The following TDRD6 variants were observed in gnomAD, a reference collection of about 807,000 sequenced individuals.
TDRD6 encodes the protein tudor domain containing 6.
A neutral mutation model predicts 157.5 loss-of-function variants in TDRD6; 186 were observed. That is an observed-to-expected ratio of 1.18 (90% confidence interval 1.05 to 1.33). The LOEUF is 1.33. Ranked by LOEUF, TDRD6 falls within the 40% of genes most tolerant of loss-of-function variation. The probability of loss-of-function intolerance (pLI) is 0.00; values close to 1 mark genes in which losing one functional copy is unlikely to be tolerated. For synonymous variants in TDRD6, 1,075 were observed against 945.2 expected (o/e 1.14, Z -2.52); for missense variants, 3,066 against 2,508.0 (o/e 1.22, Z -4.75).
rs753018392 is a variant in TDRD6 at position 46,690,935 on chromosome 6, A to G, written c.2807A>G (p.Asn936Ser). 3.7e-6 allele frequency: 6 copies of G among 1,614,032 alleles called. No homozygotes were observed. In the African/African-American group the frequency reaches 8.0e-5, roughly 22 times the overall value. ...ALASINEELF[N>S]IVDLLTPFQS... ...GCTTCAATTAATGAAGAACTGTTTA[A>G]CATTGTGGATTTGCTAACCCCCTTT... Residue 936 changes from asparagine to serine, a missense_variant, in exon 1 of 4, where the codon AAC becomes AGC. Physicochemically the swap from Asn to Ser is conservative, Grantham distance 46. Transcript: ENST00000316081.
chr6:46,689,815 A>G lies in TDRD6; in HGVS notation c.1687A>G (p.Lys563Glu), dbSNP rs1764251424. ...GGCCATAGTCACCAAATTGGATGAC[A>G]AGAGTGTGGATGTATTCTTAGTTGA... Reference protein sequence around the residue: ...YRAIVTKLDDKSVDVFLVDRG... With the variant: ...YRAIVTKLDDESVDVFLVDRG... Residue 563 changes from lysine (K) to glutamate (E), a missense_variant, in exon 1 of 4, where the codon AAG (lysine) becomes GAG (glutamate). Physicochemically the swap from Lys to Glu is moderately conservative, Grantham distance 56 (BLOSUM62 1). Transcript: ENST00000316081. 6.2e-7 allele frequency: 1 copy of G among 1,614,226 alleles called. No homozygotes were observed. Among genetic ancestry groups the G allele is most frequent in the South Asian group, 1.1e-5 (1 of 91,086 alleles).
Position 46,693,814 on chromosome 6 carries a change from C to T in TDRD6, c.5686C>T (p.Pro1896Ser), listed in dbSNP as rs1764418115. 1.2e-6 allele frequency: 2 copies of T among 1,614,196 alleles called. No homozygotes were observed. Among genetic ancestry groups the T allele is most frequent in the Non-Finnish European group, 1.7e-6 (2 of 1,180,036 alleles). ...CATGGAGCTATTTACACTGCAGCTT[C>T]CTCTCAGCTGTGAAGCTGAGAAACA... ...GAMELFTLQL[P>S]LSCEAEKQPE... Residue 1896 changes from proline (P) to serine (S), a missense_variant, in exon 1 of 4, where the codon CCT (proline) becomes TCT (serine). By Grantham distance (74) the Pro-to-Ser change is moderately conservative (BLOSUM62 -1). Transcript: ENST00000316081.
Position 46,688,996 on chromosome 6 carries a change from TC to T in TDRD6, c.870del (p.Thr291ArgfsTer63). The T allele has an allele frequency of 6.2e-7, 1 of 1,613,554 alleles. No homozygotes were observed. The highest frequency in any genetic ancestry group is 8.5e-7 in the Non-Finnish European group (1 of 1,179,684). On this transcript the variant is annotated frameshift_variant, in exon 1 of 4. Transcript: ENST00000316081. LOFTEE classifies it high-confidence loss of function. ...SESMAQVYRG[S>X]TGTGDENSTS... ...GAGCATGGCCCAGGTATACCGGGGTTCCACGGGGACAGGGGATGAGAACTCT... is the reference window on the plus strand; with the variant it reads ...GAGCATGGCCCAGGTATACCGGGGTTCACGGGGACAGGGGATGAGAACTCT...
In TDRD6 at chr6:46,688,600, C is replaced by G. The variant is rs760607205; in HGVS notation, c.472C>G (p.Leu158Val). 2.5e-6 allele frequency: 4 copies of G among 1,598,910 alleles called. No individual in the cohort carries two copies. In the Admixed American group the frequency reaches 5.0e-5, roughly 20 times the overall value. The change falls in exon 1 of 4, where the codon CTT becomes GTT. Residue 158 changes from leucine (L) to valine (V), a missense_variant. By Grantham distance (32) the Leu-to-Val change is conservative. Transcript: ENST00000316081. Reference sequence around the variant, plus strand: ...CTGGCCCGCCGACGCCGTGGACTTCCTTAGCAACCTTCAGGGCAAGGAGGT... The same window carrying G: ...CTGGCCCGCCGACGCCGTGGACTTCGTTAGCAACCTTCAGGGCAAGGAGGT... Reference protein sequence around the residue: ...QHWPADAVDFLSNLQGKEVHG... With the variant: ...QHWPADAVDFVSNLQGKEVHG...
the TDRD6 span, chr6:46,681,534 T>C: frequency 1.5e-5 from 7 of 470,842 alleles, no homozygotes; most frequent in Non-Finnish European, 3.1e-5. Context: ...CAGGCTGCTG[T>C]GATTGTCAAC....
chr6:46,704,258 A>C lies in TDRD6; in HGVS notation c.*2371A>C, dbSNP rs111472465. On this transcript the variant is annotated 3_prime_UTR_variant, in exon 4 of 4. Transcript: ENST00000316081. ...TTGTCTGTCAAAGTAATGTAAAAAC[A>C]GTTTTTAACTTCGACACTGAAAAGG... The C allele has an allele frequency of 9.8e-6, 3 of 306,526 alleles. No individual in the cohort carries two copies. The highest frequency in any genetic ancestry group is 1.9e-5 in the Non-Finnish European group (3 of 161,176). The allele number at this position is 306,526 out of a possible 1,614,324, so 19.0% of individuals were successfully genotyped here. A position where few individuals can be genotyped will look rare whatever the true frequency, so the allele number is the denominator to read the frequency against.
At position 46,689,366 on chromosome 6, in the gene TDRD6, G is replaced by C. The variant is rs1267961493; in HGVS notation, c.1238G>C (p.Cys413Ser). The C allele has an allele frequency of 6.2e-7, 1 of 1,614,054 alleles. No individual in the cohort carries two copies. ...GTGAATGCAAAGATTGAATTTTATT[G>C]CTCCTTTGAGCATGTGTATTATGTC... ...KAVNAKIEFYCSFEHVYYVSL... is the reference protein window; with the variant it reads ...KAVNAKIEFYSSFEHVYYVSL... The change falls in exon 1 of 4, where the codon TGC (cysteine) becomes TCC (serine). Residue 413 changes from cysteine to serine, a missense_variant. Coordinates refer to ENST00000316081, the MANE Select transcript of TDRD6 (RefSeq NM_001010870.3).
rs1764154536 is a variant in TDRD6, at chr6:46,688,065, G to T, written c.-64G>T. The T allele has an allele frequency of 5.7e-6, 8 of 1,410,920 alleles. No individual in the cohort carries two copies. The highest frequency in any genetic ancestry group is 1.5e-5 in the South Asian group (1 of 66,346). The allele number at this position is 1,410,920 out of a possible 1,614,324, so 87.4% of individuals were successfully genotyped here. ...GGACTCGCCTTCAGGCGGCGCGGAG[G>T]ATTTCGAGGCCCTGAGGCGCGGCCC... is the stretch of plus-strand genomic sequence containing the variant. On this transcript the variant is annotated 5_prime_UTR_variant, in exon 1 of 4. Coordinates refer to ENST00000316081, the MANE Select transcript of TDRD6 (RefSeq NM_001010870.3).
At chr6:46,694,799 A>G (rs568021074) in intron 1 of TDRD6, among the ~76,000 whole-genome samples, 1 of 152,326 alleles carries the variant, frequency 6.6e-6, no homozygotes, top group African/African-American at 2.4e-5. Context: ...GGTAAGTTTT[A>G]TAAAACATGG....
Position 46,688,628 on chromosome 6 carries a change from A to C in TDRD6, c.500A>C (p.His167Pro). ...FLSNLQGKEV[H>P]GCVLDVLLLH... Reference sequence around the variant, plus strand: ...AGCAACCTTCAGGGCAAGGAGGTGCACGGGTGCGTCCTGGACGTGCTGCTG... The same window carrying C: ...AGCAACCTTCAGGGCAAGGAGGTGCCCGGGTGCGTCCTGGACGTGCTGCTG... Residue 167 changes from histidine (H) to proline (P), a missense_variant, in exon 1 of 4, where the codon CAC becomes CCC. Physicochemically the swap from His to Pro is moderately conservative, Grantham distance 77. Transcript: ENST00000316081. The C allele has an allele frequency of 6.3e-7, 1 of 1,599,150 alleles. No individual in the cohort carries two copies. Among genetic ancestry groups the C allele is most frequent in the South Asian group, 1.1e-5 (1 of 91,080 alleles).
chr6:46,691,784 C>T lies in TDRD6; in HGVS notation c.3656C>T (p.Ser1219Leu). 6.2e-7 allele frequency: 1 copy of T among 1,601,570 alleles called. No individual in the cohort carries two copies. Among genetic ancestry groups the T allele is most frequent in the South Asian group, 1.1e-5 (1 of 88,510 alleles). ...LEESYKPQIN[S>L]SYKELKLLQS... ...GAGTCATATAAACCTCAGATCAACT[C>T]ATCATACAAGGAACTCAAACTTTTA... is the stretch of plus-strand genomic sequence containing the variant. Residue 1219 changes from serine to leucine, a missense_variant, in exon 1 of 4, where the codon TCA becomes TTA. Transcript: ENST00000316081.
intron 2 of TDRD6, 32 bp downstream of exon 2, chr6:46,695,977 T>C (rs1229955522): frequency 3.1e-6 from 5 of 1,599,818 alleles, no homozygotes; most frequent in East Asian, 2.3e-5. Flanking sequence ...TATCTCCAAA[T>C]GTATTTGCAG....
intron 1 of TDRD6, among the ~76,000 whole-genome samples, chr6:46,694,682 G>GA (rs1343023300): frequency 2.6e-5 from 4 of 152,182 alleles, no homozygotes; most frequent in African/African-American, 9.6e-5. Flanking sequence ...AAGAAACACT[G>GA]AAATATTAGT....
In TDRD6 at chr6:46,692,997, A is replaced by C. The variant is rs752414048; in HGVS notation, c.4869A>C (p.Glu1623Asp). The C allele has an allele frequency of 6.2e-7, 1 of 1,612,478 alleles. No individual in the cohort carries two copies. The highest frequency in any genetic ancestry group is 1.1e-5 in the South Asian group (1 of 90,840). Residue 1623 changes from glutamate (E) to aspartate (D), a missense_variant, in exon 1 of 4, where the codon GAA becomes GAC. Physicochemically the swap from Glu to Asp is conservative, Grantham distance 45 (BLOSUM62 2). Transcript: ENST00000316081. ...DPKALWAIPS[E>D]LLSVPMQAFP... ...AAGCACTCTGGGCCATTCCTTCTGA[A>C]CTTCTGTCGGTTCCCATGCAAGCCT...
chr6:46,688,545 CGGCGCG>C lies in TDRD6; in HGVS notation c.421_426del (p.Ala141_Gly142del). On this transcript the variant is annotated inframe_deletion, in exon 1 of 4. Coordinates refer to ENST00000316081, the MANE Select transcript of TDRD6 (RefSeq NM_001010870.3). ...TAGCGGGCCTGGTGCCGGCAGGCTG[CGGCGCG>C]GGCTCAGGCGAGCCGCCGCAGCACT... The C allele has an allele frequency of 6.3e-7, 1 of 1,576,618 alleles. No homozygotes were observed. Among genetic ancestry groups the C allele is most frequent in the Non-Finnish European group, 8.6e-7 (1 of 1,167,210 alleles).
At chr6:46,696,600 TA>T (rs1247578175) in intron 2 of TDRD6, among the ~76,000 whole-genome samples, 947 of 52,952 alleles carry the variant, frequency 0.018, 79 homozygotes, top group Non-Finnish European at 0.028. Flanking sequence ...TATATATATA[TA>T]TTTTTTTTTT....
chr6:46,680,449 A>G, the TDRD6 span, among the ~76,000 whole-genome samples: 1 of 152,108 alleles, frequency 6.6e-6, no homozygotes, highest in Non-Finnish European at 1.5e-5. Flanking sequence ...TGTCATTAGG[A>G]TTCTTTATGC....
intron 1 of TDRD6, among the ~76,000 whole-genome samples, chr6:46,694,840 C>T (rs2216464): frequency 0.85 from 129,801 of 152,148 alleles, 55,776 homozygotes; most frequent in African/African-American, 0.95. Context: ...GGCACTACTA[C>T]AGGCATTAAT....
upstream of TDRD6, among the ~76,000 whole-genome samples, chr6:46,683,595 C>T (rs1285007234): frequency 6.6e-6 from 1 of 152,026 alleles, no homozygotes; most frequent in Non-Finnish European, 1.5e-5. Context: ...GTGAGTTTTA[C>T]TGTACAAAAA....
Sources: gnomAD v4.1 joint callset for allele counts (sites outside exome capture counted in the v4.1 genomes callset) on GRCh38, gnomAD v4.1.1 for gene constraint, MANE v1.5 for transcripts, NCBI Gene and HGNC (gene_info 2026-07-23, HGNC 2026-07-21) for gene names.